DPY19L1: variants seen among roughly 807,000 people sequenced by gnomAD.
DPY19L1 encodes the protein protein C-mannosyl-transferase DPY19L1.
A neutral mutation model predicts 96.9 loss-of-function variants in DPY19L1; 35 were observed. That is an observed-to-expected ratio of 0.36 (90% CI 0.28 to 0.48). The LOEUF is 0.48. Ranked by LOEUF, DPY19L1 falls within the 20% of genes least tolerant of loss-of-function variation. DPY19L1 has a pLI of 0.99. For synonymous variants in DPY19L1, 205 were observed against 252.6 expected (o/e 0.81, Z 1.79); for missense variants, 521 against 777.9 (o/e 0.67, Z 3.93).
At chr7:34,933,545 A>C (rs1783803107) in intron 21 of DPY19L1, among the ~76,000 whole-genome samples, 1 of 152,158 alleles carries the variant, frequency 6.6e-6, no homozygotes, top group Admixed American at 6.5e-5. Context: ...TTGCCAAGGG[A>C]GATTAATGTT....
chr7:35,019,651 T>C (rs1253559121), intron 1 of DPY19L1, among the ~76,000 whole-genome samples: 1 of 152,076 alleles, frequency 6.6e-6, no homozygotes, highest in Non-Finnish European at 1.5e-5. Context: ...ACCAAATAGA[T>C]CAGATCTTAT....
intron 11 of DPY19L1, among the ~76,000 whole-genome samples, chr7:34,957,433 A>C (rs1784403233): frequency 6.6e-6 from 1 of 152,218 alleles, no homozygotes; most frequent in Admixed American, 6.5e-5. Flanking sequence ...CATATGTAGC[A>C]GAAAGAATTA....
intron 6 of DPY19L1, among the ~76,000 whole-genome samples, chr7:35,008,797 C>A (rs1475000643): frequency 1.3e-5 from 2 of 152,166 alleles, no homozygotes; most frequent in African/African-American, 2.4e-5. Flanking sequence ...AAAATCTAAT[C>A]TCCCAAATGT....
chr7:34,940,212 T>C lies in DPY19L1; in HGVS notation c.1805A>G (p.Glu602Gly). 6.2e-7 allele frequency: 1 copy of C among 1,609,568 alleles called. No individual in the cohort carries two copies. Among genetic ancestry groups the C allele is most frequent in the Non-Finnish European group, 8.5e-7 (1 of 1,178,532 alleles). ...NLQTQWNIVGEFSNLPQEELI... is the reference protein window; with the variant it reads ...NLQTQWNIVGGFSNLPQEELI... ...TTCTTCTTGGGGCAAATTGCTGAAC[T>C]CCCCTACAATATTCCACTGGGTTTG... is the stretch of plus-strand genomic sequence containing the variant. The change falls in exon 19 of 22, where the codon GAG becomes GGG. Residue 602 changes from glutamate to glycine, a missense_variant. Coordinates refer to ENST00000638088, the MANE Select transcript of DPY19L1 (RefSeq NM_001366673.1).
intron 3 of DPY19L1, among the ~76,000 whole-genome samples, chr7:35,016,787 G>A (rs1309275131): frequency 1.3e-5 from 2 of 152,144 alleles, no homozygotes; most frequent in Admixed American, 6.5e-5. Flanking sequence ...TAAATGTTCA[G>A]GAAACTTGGG....
At chr7:34,958,138 A>G in intron 10 of DPY19L1, 68 bp from the exon 11 acceptor site, 2 of 1,031,900 alleles carry the variant, frequency 1.9e-6, no homozygotes, top group African/African-American at 3.3e-5. Flanking sequence ...TTTTATTGTG[A>G]AAACTGCACA....
intron 18 of DPY19L1, among the ~76,000 whole-genome samples, 193 bp downstream of exon 18, chr7:34,941,572 A>C (rs4000108): frequency 0.18 from 27,319 of 152,130 alleles, 2,847 homozygotes; most frequent in Admixed American, 0.34. Flanking sequence ...TTGTACACCA[A>C]CAACTATTTT....
At chr7:34,979,275 T>C (rs1282769711) in intron 7 of DPY19L1, among the ~76,000 whole-genome samples, 4 of 152,124 alleles carry the variant, frequency 2.6e-5, no homozygotes, top group Non-Finnish European at 5.9e-5. Context: ...GTATCAACTC[T>C]ACCACCTTTA....
At chr7:35,005,184 GT>G (rs1298348636) in intron 6 of DPY19L1, among the ~76,000 whole-genome samples, 1 of 151,942 alleles carries the variant, frequency 6.6e-6, no homozygotes, top group Non-Finnish European at 1.5e-5. Flanking sequence ...TTTAAGGAGA[GT>G]AGTAGGAACT....
intron 21 of DPY19L1, among the ~76,000 whole-genome samples, chr7:34,934,083 C>T (rs1426848868): frequency 6.6e-6 from 1 of 152,118 alleles, no homozygotes; most frequent in East Asian, 1.9e-4. Flanking sequence ...CCTGCCTCTG[C>T]CTCCTGAGTA....
Position 34,973,714 on chromosome 7 carries a change from T to C in DPY19L1, c.823-109A>G, listed in dbSNP as rs570048400. ...TATTTTTAACAAATAATTTAAACGG[T>C]GTGTTGTAAAACAAACTACTGGACT... is the stretch of plus-strand genomic sequence containing the variant. On this transcript the variant is annotated intron_variant, in intron 7 of 21. Coordinates refer to ENST00000638088, the MANE Select transcript of DPY19L1 (RefSeq NM_001366673.1). The C allele has an allele frequency of 1.4e-4, 76 of 552,016 alleles. No individual in the cohort carries two copies. In the East Asian group the frequency reaches 2.4e-3, roughly 18 times the overall value. 34.2% of individuals were successfully genotyped at this position (552,016 alleles called of 1,614,324 possible).
At chr7:34,934,477 A>G (rs1783823952) in intron 21 of DPY19L1, among the ~76,000 whole-genome samples, 2 of 152,156 alleles carry the variant, frequency 1.3e-5, no homozygotes, top group African/African-American at 2.4e-5. Context: ...AGATACTTTA[A>G]TTGTTTCCCA....
chr7:34,972,436 C>T, intron 8 of DPY19L1, among the ~76,000 whole-genome samples: 1 of 152,098 alleles, frequency 6.6e-6, no homozygotes, highest in Non-Finnish European at 1.5e-5. Context: ...AAAGAAGAAT[C>T]AAAGGTTTGC....
chr7:35,011,570 TC>T, intron 4 of DPY19L1, 120 bp from the exon 5 acceptor site: 1 of 939,986 alleles, frequency 1.1e-6, no homozygotes, highest in Non-Finnish European at 1.6e-6. Context: ...TCCACTTGGC[TC>T]CCTTTAAATG....
intron 19 of DPY19L1, among the ~76,000 whole-genome samples, chr7:34,939,928 A>C (rs777403978): frequency 3.9e-5 from 6 of 152,184 alleles, no homozygotes; most frequent in Admixed American, 2.0e-4. Flanking sequence ...AAAATCTATA[A>C]AAAATGGCAG....
upstream of DPY19L1, chr7:35,037,837 G>T: frequency 1.6e-6 from 2 of 1,231,900 alleles, no homozygotes; most frequent in Non-Finnish European, 1.0e-6. Flanking sequence ...GCCCGCGCGG[G>T]GCTCGGCCGG....
intron 1 of DPY19L1, among the ~76,000 whole-genome samples, chr7:35,023,828 CTTTTCT>C (rs1289238785): frequency 8.1e-6 from 1 of 123,804 alleles, no homozygotes; most frequent in Non-Finnish European, 1.8e-5. Context: ...TTTTTCTTTT[CTTTTCT>C]TTTTTTTTTT....
At chr7:35,002,528 T>C (rs748740953) in intron 6 of DPY19L1, among the ~76,000 whole-genome samples, 1 of 151,964 alleles carries the variant, frequency 6.6e-6, no homozygotes, top group Non-Finnish European at 1.5e-5. Context: ...AAAGAAATAA[T>C]TCAAGAAAAT....
chr7:35,037,731 G>T (rs1786478803), upstream of DPY19L1: 2 of 873,650 alleles, frequency 2.3e-6, no homozygotes, highest in African/African-American at 1.8e-5. Context: ...CCTCTGCGCC[G>T]GACGCGCGCT....
Sources: gnomAD v4.1 joint callset for allele counts (sites outside exome capture counted in the v4.1 genomes callset) on GRCh38, gnomAD v4.1.1 for gene constraint, MANE v1.5 for transcripts, NCBI Gene and HGNC (gene_info 2026-07-23, HGNC 2026-07-21) for gene names.